The following RAB6A variants were observed in gnomAD, a reference collection of about 807,000 sequenced individuals.
The protein encoded by RAB6A is ras-related protein Rab-6A.
RAB6A carries 8 observed loss-of-function variants against 32.3 expected under a neutral mutation model. That is an observed-to-expected ratio of 0.25 (90% confidence interval 0.15 to 0.45). The LOEUF (loss-of-function observed/expected upper bound fraction) is 0.45. RAB6A is among the 20% of genes least tolerant of loss of function. RAB6A has a pLI of 1.00. For missense variants in RAB6A, 104 were observed against 249.4 expected, an observed-to-expected ratio of 0.42 and a Z score of 3.93; for synonymous variants, 73 against 82.1, an observed-to-expected ratio of 0.89 and a Z score of 0.60.
intron 1 of RAB6A, among the ~76,000 whole-genome samples, chr11:73,740,781 G>T (rs1044480422): frequency 7.2e-5 from 11 of 151,976 alleles, no homozygotes; most frequent in Admixed American, 7.2e-4. Context: ...CAGCTACTCG[G>T]GGGGGCTGAG....
chr11:73,739,284 A>AAAAAAAATATAT (rs1208877325), intron 1 of RAB6A, among the ~76,000 whole-genome samples: 6 of 6,748 alleles, frequency 8.9e-4, no homozygotes, highest in African/African-American at 2.0e-3. Flanking sequence ...AAAAAAAAAA[A>AAAAAAAATATAT]ATATATATAT....
intron 1 of RAB6A, chr11:73,760,231 C>G: frequency 1.3e-6 from 1 of 759,484 alleles, no homozygotes; most frequent in Admixed American, 2.7e-5. Flanking sequence ...GAAAGGGGGC[C>G]GGGGTACGGG....
At chr11:73,733,001 C>G (rs888524130) in intron 1 of RAB6A, among the ~76,000 whole-genome samples, 5 of 151,978 alleles carry the variant, frequency 3.3e-5, no homozygotes. Context: ...TTAGTAGAGA[C>G]AGGGTTTCAC....
intron 1 of RAB6A, among the ~76,000 whole-genome samples, chr11:73,731,095 A>C (rs192638386): frequency 6.8e-4 from 103 of 152,302 alleles, no homozygotes; most frequent in African/African-American, 2.4e-3. Context: ...AATTCACAAA[A>C]GGCCAAGTAA....
At chr11:73,742,084 C>A (rs188858169) in intron 1 of RAB6A, among the ~76,000 whole-genome samples, 1 of 151,944 alleles carries the variant, frequency 6.6e-6, no homozygotes, top group African/African-American at 2.4e-5. Context: ...AGGTTCACGA[C>A]CAGCCTGGTC....
At chr11:73,737,808 C>A (rs985258243) in intron 1 of RAB6A, among the ~76,000 whole-genome samples, 7 of 151,840 alleles carry the variant, frequency 4.6e-5, no homozygotes, top group Non-Finnish European at 1.0e-4. Context: ...GCCTGGCCAA[C>A]ATGGTGAAAC....
chr11:73,734,750 C>A (rs1435995121), intron 1 of RAB6A, among the ~76,000 whole-genome samples: 1 of 152,056 alleles, frequency 6.6e-6, no homozygotes, highest in Non-Finnish European at 1.5e-5. Context: ...TTACCTCCTG[C>A]CGTGAGGCCT....
intron 5 of RAB6A, among the ~76,000 whole-genome samples, chr11:73,709,807 T>C (rs1194771710): frequency 6.9e-6 from 1 of 144,116 alleles, no homozygotes; most frequent in Non-Finnish European, 1.5e-5. Flanking sequence ...TGCTAAAAAA[T>C]GTAATGAATT....
Position 73,723,515 on chromosome 11 carries a change from C to T in RAB6A, c.130-2616G>A, listed in dbSNP as rs902740330. Among the ~76,000 whole-genome samples the T allele has an allele frequency of 1.1e-4, 16 of 151,756 alleles. No homozygotes were observed. The East Asian group carries it at 1.2e-3, about 11-fold the overall frequency. On this transcript the variant is annotated intron_variant, in intron 2 of 7. Transcript: ENST00000336083. ...TAATTTTTGTATTTTTTAGTAGAGA[C>T]GGGGTTTCACTATATGTTGGCCAGG... is the stretch of plus-strand genomic sequence containing the variant.
Position 73,731,709 on chromosome 11 carries a change from TATATATATATATATATATATATACACAC to T in RAB6A, c.71-914_71-887del, listed in dbSNP as rs1245166952. ...TTATATATATATATATATATATATATATATATATATATATATATATATACACACACACACACATATTTTCTTTTTTTTT... is the reference window on the plus strand; with the variant it reads ...TTATATATATATATATATATATATATACACACACATATTTTCTTTTTTTTT... On this transcript the variant is annotated intron_variant, in intron 1 of 7. Coordinates refer to ENST00000336083, the MANE Select transcript of RAB6A (RefSeq NM_198896.2). Among the ~76,000 whole-genome samples the T allele has an allele frequency of 8.7e-5, 8 of 91,860 alleles. No individual in the cohort carries two copies. The South Asian group carries it at 1.1e-3, about 13-fold the overall frequency. 60.3% of individuals were successfully genotyped at this position (91,860 alleles called of 152,430 possible). A position where few individuals can be genotyped will look rare whatever the true frequency, so the allele number is the denominator to read the frequency against.
chr11:73,724,933 A>G (rs960979454), intron 2 of RAB6A, among the ~76,000 whole-genome samples: 15 of 152,222 alleles, frequency 9.9e-5, no homozygotes, highest in African/African-American at 3.1e-4. Flanking sequence ...CCCAGGATGC[A>G]GAATAGTGCC....
chr11:73,738,648 C>G (rs1200535360), intron 1 of RAB6A, among the ~76,000 whole-genome samples: 1 of 151,248 alleles, frequency 6.6e-6, no homozygotes, highest in Non-Finnish European at 1.5e-5. Flanking sequence ...GATCCTGTCT[C>G]AAAGTAAAAA....
intron 6 of RAB6A, among the ~76,000 whole-genome samples, chr11:73,698,943 C>G (rs965609447): frequency 1.3e-5 from 2 of 151,454 alleles, no homozygotes; most frequent in Non-Finnish European, 2.9e-5. Flanking sequence ...CCTCCGCCTC[C>G]CAGGTTCAAG....
chr11:73,698,464 A>T (rs771350484), intron 6 of RAB6A, among the ~76,000 whole-genome samples: 2 of 152,140 alleles, frequency 1.3e-5, no homozygotes, highest in African/African-American at 2.4e-5. Context: ...CTTCATAGGG[A>T]TATTGTGAGA....
At chr11:73,706,287 A>G (rs1945841664) in intron 6 of RAB6A, among the ~76,000 whole-genome samples, 2 of 151,992 alleles carry the variant, frequency 1.3e-5, no homozygotes, top group African/African-American at 4.8e-5. Context: ...AGGCTGAGGC[A>G]GGCAGATCAC....
chr11:73,751,946 A>G (rs1370025062), intron 1 of RAB6A, among the ~76,000 whole-genome samples: 1 of 152,206 alleles, frequency 6.6e-6, no homozygotes, highest in African/African-American at 2.4e-5. Flanking sequence ...ATAAAAAACA[A>G]AAACAAAAAC....
At chr11:73,687,054 A>G (rs947399694) in intron 6 of RAB6A, among the ~76,000 whole-genome samples, 13 of 152,092 alleles carry the variant, frequency 8.5e-5, no homozygotes, top group African/African-American at 2.7e-4. Context: ...CTTAAAAAGG[A>G]AAGAAATTCT....
At chr11:73,759,930 C>G in intron 1 of RAB6A, 4 of 825,646 alleles carry the variant, frequency 4.8e-6, no homozygotes, top group Non-Finnish European at 5.0e-6. Context: ...CTACCCCTTT[C>G]ACCCCCAACC....
At chr11:73,722,322 TATATATATA>T (rs1946147947) in intron 2 of RAB6A, 1 of 8,746 alleles carries the variant, frequency 1.1e-4, no homozygotes, top group African/African-American at 3.7e-4. Flanking sequence ...TATATATATA[TATATATATA>T]TATATATATA....
Sources: gnomAD v4.1 joint callset for allele counts (sites outside exome capture counted in the v4.1 genomes callset) on GRCh38, gnomAD v4.1.1 for gene constraint, MANE v1.5 for transcripts, NCBI Gene and HGNC (gene_info 2026-07-23, HGNC 2026-07-21) for gene names.